PRUNE2: variants seen among roughly 807,000 people sequenced by gnomAD.
PRUNE2 encodes the protein protein prune homolog 2.
In PRUNE2, 164 loss-of-function variants were observed where a neutral mutation model predicts 252.0. That is an observed-to-expected ratio of 0.65 (90% CI 0.57 to 0.74). PRUNE2 has a LOEUF of 0.74. Among genes scored for constraint, PRUNE2 ranks in the 30% least tolerant of loss-of-function variants. The pLI, the probability that PRUNE2 is intolerant of heterozygous loss-of-function variation, is 0.00. For missense variants in PRUNE2, 3,495 were observed against 3,711.0 expected (o/e 0.94, Z 1.51); for synonymous variants, 1,292 against 1,350.2 (o/e 0.96, Z 0.94).
chr9:76,802,575 T>C (rs2056636366), intron 6 of PRUNE2, among the ~76,000 whole-genome samples: 2 of 152,172 alleles, frequency 1.3e-5, no homozygotes, highest in African/African-American at 2.4e-5. Flanking sequence ...CTTGCTTCTT[T>C]AGCAACAAAA....
intron 9 of PRUNE2, among the ~76,000 whole-genome samples, chr9:76,666,590 C>A (rs537835320): frequency 6.6e-6 from 1 of 152,216 alleles, no homozygotes; most frequent in East Asian, 1.9e-4. Flanking sequence ...CCAGTGGACA[C>A]GTGACTCATG....
rs1468655175 is a variant in PRUNE2, at chr9:76,707,336, A to G, written c.4938T>C (p.Ser1646=). ...TTTCCTGATGTGTCCCTGAATGTTCAGAATATTTGCCTGTTTCAGGACTGG... is the reference window on the plus strand; with the variant it reads ...TTTCCTGATGTGTCCCTGAATGTTCGGAATATTTGCCTGTTTCAGGACTGG... ...SLSSPETGKY[S]EHSGTHQESN... Residue 1646 remains serine (S), a synonymous_variant, in exon 8 of 19, where the codon TCT becomes TCC. Coordinates refer to ENST00000376718, the MANE Select transcript of PRUNE2 (RefSeq NM_015225.3). The G allele has an allele frequency of 6.2e-7, 1 of 1,613,964 alleles. No homozygotes were observed.
chr9:76,872,769 G>A (rs1480147935), intron 1 of PRUNE2, among the ~76,000 whole-genome samples: 1 of 152,052 alleles, frequency 6.6e-6, no homozygotes, highest in Non-Finnish European at 1.5e-5. Context: ...GTGTGTTAAG[G>A]AACGGATGAA....
At chr9:76,636,042 T>C (rs1839931557) in intron 15 of PRUNE2, among the ~76,000 whole-genome samples, 1 of 152,226 alleles carries the variant, frequency 6.6e-6, no homozygotes, top group Non-Finnish European at 1.5e-5. Flanking sequence ...TGTGTAGGTC[T>C]ATTCAGAAGA....
chr9:76,777,032 T>G (rs1037631450), intron 6 of PRUNE2, among the ~76,000 whole-genome samples: 1 of 151,906 alleles, frequency 6.6e-6, no homozygotes, highest in East Asian at 1.9e-4. Flanking sequence ...CATCTGCCAC[T>G]GCACCAATGC....
At position 76,698,088 on chromosome 9, in the gene PRUNE2, C is replaced by A. The variant is rs1315075584; in HGVS notation, c.8276+5249G>T. 3.3e-5 allele frequency among the ~76,000 whole-genome samples: 5 copies of A among 152,054 alleles called. No individual in the cohort carries two copies. In the East Asian group the frequency reaches 5.8e-4, roughly 18 times the overall value. ...TTTTGACAAAGTTTTGGTCTTTCACCCAGGCTGGAATGAAGTGGTGTGATC... is the reference window on the plus strand; with the variant it reads ...TTTTGACAAAGTTTTGGTCTTTCACACAGGCTGGAATGAAGTGGTGTGATC... On this transcript the variant is annotated intron_variant, in intron 9 of 18. Coordinates refer to ENST00000376718, the MANE Select transcript of PRUNE2 (RefSeq NM_015225.3).
chr9:76,895,666 T>G (rs1428802382), intron 1 of PRUNE2, among the ~76,000 whole-genome samples: 1 of 152,238 alleles, frequency 6.6e-6, no homozygotes, highest in Admixed American at 6.5e-5. Flanking sequence ...GCATCAGATA[T>G]GTACTTTATG....
chr9:76,650,190 A>T (rs1252908804), intron 11 of PRUNE2, among the ~76,000 whole-genome samples: 1 of 151,690 alleles, frequency 6.6e-6, no homozygotes, highest in Non-Finnish European at 1.5e-5. Context: ...AATGAAATAA[A>T]TTAAATGAAA....
rs10123386 is a variant in PRUNE2, at chr9:76,687,588, C to T, written c.8276+15749G>A. 2,619 of 375,478 alleles carry T rather than the reference C, an allele frequency of 7.0e-3. 52 individuals carry two copies. Among genetic ancestry groups the T allele is most frequent in the African/African-American group, 0.05 (2,372 of 47,750 alleles). The allele number at this position is 375,478 out of a possible 1,614,324, so 23.3% of individuals were successfully genotyped here. Reference sequence around the variant, plus strand: ...TGCCTAGGGTTTCCAAAGCAGACTGCCACAAGCTTTGACAGTTGTAGCTTC... The same window carrying T: ...TGCCTAGGGTTTCCAAAGCAGACTGTCACAAGCTTTGACAGTTGTAGCTTC... On this transcript the variant is annotated intron_variant, in intron 9 of 18. Transcript: ENST00000376718.
At chr9:76,741,955 C>T (rs1233528752) in intron 6 of PRUNE2, among the ~76,000 whole-genome samples, 2 of 152,192 alleles carry the variant, frequency 1.3e-5, no homozygotes, top group Non-Finnish European at 2.9e-5. Context: ...ATTCACCAAT[C>T]TGGCTGTTTT....
At chr9:76,765,296 G>C (rs2052222497) in intron 6 of PRUNE2, among the ~76,000 whole-genome samples, 1 of 152,156 alleles carries the variant, frequency 6.6e-6, no homozygotes, top group African/African-American at 2.4e-5. Context: ...TGCCATAGAA[G>C]CCAAGATGAA....
chr9:76,697,073 C>A (rs1166833404), intron 9 of PRUNE2, among the ~76,000 whole-genome samples: 1 of 152,180 alleles, frequency 6.6e-6, no homozygotes, highest in East Asian at 1.9e-4. Context: ...TGCGAATATA[C>A]CCTGCTTTCG....
chr9:76,687,622 A>G (rs2134362542), intron 9 of PRUNE2: 1 of 419,808 alleles, frequency 2.4e-6, no homozygotes, highest in South Asian at 1.7e-5. Flanking sequence ...TCTTTCTGAT[A>G]CTCACTGTTT....
chr9:76,775,151 A>C (rs1231939205), intron 6 of PRUNE2, among the ~76,000 whole-genome samples: 3 of 152,250 alleles, frequency 2.0e-5, no homozygotes, highest in African/African-American at 7.2e-5. Context: ...GGGGGGAAAG[A>C]AAGGACTTTT....
chr9:76,758,195 A>G (rs1444112890), intron 6 of PRUNE2, among the ~76,000 whole-genome samples: 2 of 152,242 alleles, frequency 1.3e-5, no homozygotes, highest in Non-Finnish European at 1.5e-5. Flanking sequence ...TAGTATTTCT[A>G]TATCTGACAG....
At chr9:76,763,713 G>T (rs949531113) in intron 6 of PRUNE2, among the ~76,000 whole-genome samples, 5 of 152,150 alleles carry the variant, frequency 3.3e-5, no homozygotes, top group African/African-American at 1.2e-4. Flanking sequence ...GGAGGAGAAT[G>T]GTATGGCAGT....
chr9:76,641,911 G>A, intron 12 of PRUNE2: 1 of 1,506,436 alleles, frequency 6.6e-7, no homozygotes, highest in Non-Finnish European at 8.8e-7. Context: ...ACACCAGCCA[G>A]CAACTCTTCT....
At chr9:76,637,017 T>G (rs535181031) in intron 14 of PRUNE2, among the ~76,000 whole-genome samples, 3 of 104,944 alleles carry the variant, frequency 2.9e-5, no homozygotes, top group Non-Finnish European at 6.4e-5. Flanking sequence ...GTGTATAATT[T>G]TAGGGAGTTC....
At chr9:76,802,040 T>C (rs2056596077) in intron 6 of PRUNE2, among the ~76,000 whole-genome samples, 1 of 152,170 alleles carries the variant, frequency 6.6e-6, no homozygotes, top group South Asian at 2.1e-4. Flanking sequence ...ACTGACATTT[T>C]TAATACTAAT....
Sources: allele counts gnomAD v4.1 joint callset (sites outside exome capture counted in the v4.1 genomes callset), GRCh38; gene constraint gnomAD v4.1.1; transcripts MANE v1.5; gene names NCBI Gene and HGNC (gene_info 2026-07-23, HGNC 2026-07-21).